Variants in PLD1 observed in about 807,000 individuals in gnomAD.
The protein encoded by PLD1 is choline phosphatase 1.
A neutral mutation model predicts 137.1 loss-of-function variants in PLD1; 112 were observed. The observed-to-expected ratio is 0.82, with a 90% CI of 0.70 to 0.96. PLD1 has a LOEUF of 0.96. Ranked by LOEUF, PLD1 falls within the 40% of genes least tolerant of loss-of-function variation. PLD1 has a pLI of 0.00. For missense variants in PLD1, 1,321 were observed against 1,342.0 expected, an observed-to-expected ratio of 0.98 and a Z score of 0.24; for synonymous variants, 431 against 454.7, an observed-to-expected ratio of 0.95 and a Z score of 0.66.
chr3:171,659,279 G>C lies in PLD1; in HGVS notation c.2363C>G (p.Ala788Gly). The change falls in exon 21 of 27, where the codon GCT (alanine) becomes GGT (glycine). Residue 788 changes from alanine to glycine, a missense_variant. Coordinates refer to ENST00000351298, the MANE Select transcript of PLD1 (RefSeq NM_002662.5). ...YIENQFFISC[A>G]DDKVVFNKIG... ...CTTGTTGAACACAACTTTGTCATCA[G>C]CACAGCTTATGAAAAACTGGTTCTA... 1 of 1,612,484 alleles carries C rather than the reference G, an allele frequency of 6.2e-7. No individual in the cohort carries two copies. Among genetic ancestry groups the C allele is most frequent in the Non-Finnish European group, 8.5e-7 (1 of 1,178,480 alleles).
chr3:171,617,255 C>A (rs994697085), intron 24 of PLD1, among the ~76,000 whole-genome samples: 5 of 152,314 alleles, frequency 3.3e-5, no homozygotes, highest in Non-Finnish European at 5.9e-5. Context: ...CCCCTCTTTA[C>A]TGGGGCAGCC....
chr3:171,791,892 A>G (rs190770121), intron 1 of PLD1: 1 of 152,548 alleles, frequency 6.6e-6, no homozygotes, highest in East Asian at 1.9e-4. Context: ...TCCCAGTGTG[A>G]GTCACCACTG....
chr3:171,777,899 G>T (rs1381032706), intron 1 of PLD1, among the ~76,000 whole-genome samples: 1 of 152,182 alleles, frequency 6.6e-6, no homozygotes, highest in Non-Finnish European at 1.5e-5. Context: ...ATCTGGATGG[G>T]TTATTTAAAT....
intron 1 of PLD1, among the ~76,000 whole-genome samples, chr3:171,770,915 G>A (rs1323709721): frequency 7.0e-6 from 1 of 142,284 alleles, no homozygotes; most frequent in Admixed American, 6.8e-5. Flanking sequence ...AAAAAAAGGG[G>A]GCGGGGGCAG....
Position 171,667,762 on chromosome 3 carries a change from G to C in PLD1, c.2230-5592C>G, listed in dbSNP as rs142054689. ...AAGCAAGTCATCCCCACCACTTACTGTTTGTGGTTTTGAGATGGAGTCTCT... is the reference window on the plus strand; with the variant it reads ...AAGCAAGTCATCCCCACCACTTACTCTTTGTGGTTTTGAGATGGAGTCTCT... On this transcript the variant is annotated intron_variant, in intron 19 of 26. Coordinates refer to ENST00000351298, the MANE Select transcript of PLD1 (RefSeq NM_002662.5). Among the ~76,000 whole-genome samples, 256 of 152,286 alleles carry C rather than the reference G, an allele frequency of 1.7e-3. 2 individuals carry two copies. Among genetic ancestry groups the C allele is most frequent in the African/African-American group, 5.8e-3 (240 of 41,560 alleles).
At chr3:171,614,789 A>G (rs1233542967) in intron 24 of PLD1, among the ~76,000 whole-genome samples, 1 of 152,212 alleles carries the variant, frequency 6.6e-6, no homozygotes, top group East Asian at 1.9e-4. Context: ...TCGGGTCAGG[A>G]GAACCTGGGA....
At chr3:171,735,251 C>T (rs1719265114) in intron 4 of PLD1, among the ~76,000 whole-genome samples, 1 of 152,132 alleles carries the variant, frequency 6.6e-6, no homozygotes, top group South Asian at 2.1e-4. Context: ...TTGTAGCCTC[C>T]TGAGTAGGTA....
At chr3:171,620,743 T>C (rs1257134941) in intron 23 of PLD1, among the ~76,000 whole-genome samples, 116 of 28,694 alleles carry the variant, frequency 4.0e-3, no homozygotes, top group African/African-American at 0.012. Context: ...TCTCTCTCTC[T>C]ATATATATAT....
At chr3:171,745,329 T>C (rs1158461484) in intron 1 of PLD1, among the ~76,000 whole-genome samples, 1 of 152,208 alleles carries the variant, frequency 6.6e-6, no homozygotes, top group Non-Finnish European at 1.5e-5. Flanking sequence ...ACTGGGGCCA[T>C]GGGAGCTTAC....
At chr3:171,693,709 C>T (rs983156467) in intron 12 of PLD1, among the ~76,000 whole-genome samples, 4 of 151,718 alleles carry the variant, frequency 2.6e-5, no homozygotes, top group African/African-American at 9.7e-5. Flanking sequence ...CATTTAATAT[C>T]GTAGAGATTA....
intron 23 of PLD1, among the ~76,000 whole-genome samples, chr3:171,629,342 A>G (rs2108325851): frequency 6.6e-6 from 1 of 152,072 alleles, no homozygotes; most frequent in African/African-American, 2.4e-5. Flanking sequence ...ACTACAAACC[A>G]CTGCTCAATG....
intron 1 of PLD1, among the ~76,000 whole-genome samples, chr3:171,757,208 C>T (rs555700157): frequency 6.6e-6 from 1 of 152,286 alleles, no homozygotes; most frequent in East Asian, 1.9e-4. Context: ...AGACTCTGCT[C>T]AGTGAGATAA....
rs777805852 is a variant in PLD1 at position 171,602,963 on chromosome 3, T to C, written c.*115A>G. On this transcript the variant is annotated 3_prime_UTR_variant, in exon 27 of 27. Coordinates refer to ENST00000351298, the MANE Select transcript of PLD1 (RefSeq NM_002662.5). ...CCTCCCCAGTCATTCCAAAAGGTCC[T>C]TGGGTTGGATACGAGAATGCGTCAG... 4.2e-6 allele frequency: 3 copies of C among 710,274 alleles called. No individual in the cohort carries two copies. The highest frequency in any genetic ancestry group is 4.7e-5 in the Admixed American group (2 of 42,626). The allele number at this position is 710,274 out of a possible 1,614,324, so 44.0% of individuals were successfully genotyped here. A position where few individuals can be genotyped will look rare whatever the true frequency, so the allele number is the denominator to read the frequency against.
chr3:171,670,817 T>C (rs1273012449), intron 19 of PLD1, among the ~76,000 whole-genome samples: 3 of 152,226 alleles, frequency 2.0e-5, no homozygotes, highest in African/African-American at 7.2e-5. Context: ...ATGGCTTCTA[T>C]TTCTATTTAG....
At chr3:171,619,870 G>C (rs1350755966) in intron 24 of PLD1, among the ~76,000 whole-genome samples, 1 of 151,742 alleles carries the variant, frequency 6.6e-6, no homozygotes, top group East Asian at 1.9e-4. Context: ...AATCATTTGA[G>C]ACCAGCCTGG....
intron 25 of PLD1, among the ~76,000 whole-genome samples, chr3:171,608,732 C>A (rs895090623): frequency 6.6e-6 from 1 of 151,994 alleles, no homozygotes; most frequent in Non-Finnish European, 1.5e-5. Flanking sequence ...GAGTCAGGAC[C>A]CCGACCTCAC....
intron 25 of PLD1, among the ~76,000 whole-genome samples, chr3:171,607,079 T>A (rs1190478043): frequency 2.0e-5 from 3 of 152,168 alleles, no homozygotes; most frequent in Non-Finnish European, 4.4e-5. Context: ...TGTATAAAAA[T>A]TTTTTTAAAA....
intron 23 of PLD1, among the ~76,000 whole-genome samples, chr3:171,634,541 TG>T (rs1485175966): frequency 4.6e-5 from 7 of 152,202 alleles, no homozygotes; most frequent in Admixed American, 3.3e-4. Flanking sequence ...ATGCAACTTT[TG>T]GAAGTATTCA....
chr3:171,662,153 A>C lies in PLD1; in HGVS notation c.2247T>G (p.Ala749=). 1 of 1,612,014 alleles carries C rather than the reference A, an allele frequency of 6.2e-7. No homozygotes were observed. The highest frequency in any genetic ancestry group is 1.7e-5 in the Admixed American group (1 of 59,996). The part of the protein sequence containing the change: ...HANVQLLRSA[A]DWSAGIKYHE... Reference sequence around the variant, plus strand: ...GGTACTTTATACCAGCAGACCAATCAGCAGCAGAGCGGAGCAACTACAAGG... The same window carrying C: ...GGTACTTTATACCAGCAGACCAATCCGCAGCAGAGCGGAGCAACTACAAGG... Residue 749 remains alanine, a synonymous_variant, in exon 20 of 27, where the codon GCT becomes GCG. Coordinates refer to ENST00000351298, the MANE Select transcript of PLD1 (RefSeq NM_002662.5).
Sources: gnomAD v4.1 joint callset for allele counts (sites outside exome capture counted in the v4.1 genomes callset) on GRCh38, gnomAD v4.1.1 for gene constraint, MANE v1.5 for transcripts, NCBI Gene and HGNC (gene_info 2026-07-23, HGNC 2026-07-21) for gene names.